The following ETFA variants were observed in gnomAD, a reference collection of about 807,000 sequenced individuals.
The protein encoded by ETFA is electron transfer flavoprotein subunit alpha, mitochondrial.
A neutral mutation model predicts 46.2 loss-of-function variants in ETFA; 22 were observed. The ratio of observed to expected loss-of-function variants is 0.48; its 90% CI spans 0.34 to 0.68. The LOEUF is 0.68. ETFA is among the 30% of genes least tolerant of loss of function. The pLI is 0.01. For synonymous variants in ETFA, 131 were observed against 139.9 expected, an observed-to-expected ratio of 0.94 and a Z score of 0.45; for missense variants, 345 against 401.1, an observed-to-expected ratio of 0.86 and a Z score of 1.19.
At chr15:76,310,363 T>A (rs1169929287) in intron 1 of ETFA, among the ~76,000 whole-genome samples, 1 of 39,652 alleles carries the variant, frequency 2.5e-5, no homozygotes. Flanking sequence ...AAAATATCCA[T>A]GCCCAGAAAA....
intron 1 of ETFA, among the ~76,000 whole-genome samples, chr15:76,306,131 A>C (rs1457728846): frequency 6.6e-6 from 1 of 152,084 alleles, no homozygotes; most frequent in African/African-American, 2.4e-5. Context: ...AAAAGCTGGA[A>C]TCTAACTCTC....
At chr15:76,243,582 C>T (rs114566411) in intron 9 of ETFA, among the ~76,000 whole-genome samples, 2,204 of 152,008 alleles carry the variant, frequency 0.014, 50 homozygotes, top group African/African-American at 0.051. Context: ...TGGATCACAA[C>T]GAGGTCAGGA....
At chr15:76,259,531 C>T in intron 9 of ETFA, 1 of 900,180 alleles carries the variant, frequency 1.1e-6, no homozygotes. Flanking sequence ...GGTGTCTGCC[C>T]ACGTGTCATG....
chr15:76,257,839 T>TA (rs2039360496), intron 9 of ETFA, among the ~76,000 whole-genome samples: 2 of 151,718 alleles, frequency 1.3e-5, no homozygotes. Context: ...TATGCAGCCA[T>TA]AAAAAATGAT....
intron 9 of ETFA, among the ~76,000 whole-genome samples, chr15:76,266,581 G>A (rs1401780605): frequency 6.6e-6 from 1 of 152,150 alleles, no homozygotes. Context: ...AAGGAATGAA[G>A]TTAGAACAAA....
chr15:76,246,664 T>C (rs963091575), intron 9 of ETFA, among the ~76,000 whole-genome samples: 8 of 151,898 alleles, frequency 5.3e-5, no homozygotes, highest in Admixed American at 4.6e-4. Context: ...ATCCTGTCTC[T>C]ACTAAAAATA....
In ETFA at chr15:76,299,521, G is replaced by T. The variant is rs370006123; in HGVS notation, c.40-3784C>A. 2.6e-5 allele frequency among the ~76,000 whole-genome samples: 4 copies of T among 152,162 alleles called. No individual in the cohort carries two copies. In the South Asian group the frequency reaches 8.3e-4, roughly 32 times the overall value. On this transcript the variant is annotated intron_variant, in intron 1 of 11. Coordinates refer to ENST00000557943, the MANE Select transcript of ETFA (RefSeq NM_000126.4). Reference sequence around the variant, plus strand: ...TGGTCTTGAACTCCTGGGCTCAAACGATCCTCGCACCTTGGCCTCCCAGAG... The same window carrying T: ...TGGTCTTGAACTCCTGGGCTCAAACTATCCTCGCACCTTGGCCTCCCAGAG...
chr15:76,256,553 T>C (rs1269513847), intron 9 of ETFA, among the ~76,000 whole-genome samples: 2 of 152,222 alleles, frequency 1.3e-5, no homozygotes, highest in East Asian at 1.9e-4. Context: ...AATTCTGAGA[T>C]AACAACTGAT....
intron 8 of ETFA, among the ~76,000 whole-genome samples, chr15:76,275,950 G>A (rs1043934890): frequency 1.4e-4 from 21 of 152,048 alleles, no homozygotes; most frequent in South Asian, 2.1e-4. Context: ...TGTAATACAT[G>A]AGCATATGTA....
At chr15:76,263,399 C>T (rs982384841) in intron 9 of ETFA, among the ~76,000 whole-genome samples, 11 of 152,222 alleles carry the variant, frequency 7.2e-5, no homozygotes, top group South Asian at 4.1e-4. Context: ...GAGGATGCAT[C>T]GTCAGAGGAC....
intron 8 of ETFA, among the ~76,000 whole-genome samples, chr15:76,275,827 T>G (rs2039585068): frequency 6.6e-6 from 1 of 152,174 alleles, no homozygotes; most frequent in Admixed American, 6.5e-5. Context: ...CAAATAACAC[T>G]TTACTACTTC....
rs960755663 is a variant in ETFA at position 76,295,618 on chromosome 15, G to A, written c.159C>T (p.Cys53=). The change falls in exon 2 of 12, where the codon TGC becomes TGT. Residue 53 remains cysteine, a synonymous_variant. Transcript: ENST00000557943. ...TGTCACATTTGGTTCCAGCTACTAA[G>A]CAGGACACTTCACCTCCAAGGCGTG... ...AATRLGGEVS[C]LVAGTKCDKV... is the part of the protein sequence containing the mutation. 6.2e-7 allele frequency: 1 copy of A among 1,613,690 alleles called. No homozygotes were observed. Among genetic ancestry groups the A allele is most frequent in the African/African-American group, 1.3e-5 (1 of 74,864 alleles).
In ETFA at chr15:76,286,383, T is replaced by C. The variant is rs2039704736; in HGVS notation, c.550A>G (p.Ser184Gly). ...AATGAACACTCACCCTTTTCTGAAC[T>C]GGCACTACCGCCACTTGTTGCTGCA... The part of the protein sequence containing the change: ...DAAATSGGSA[S>G]SEKASSTSPV... Residue 184 changes from serine (S) to glycine (G), a missense_variant, in exon 6 of 12, where the codon AGT becomes GGT. Coordinates refer to ENST00000557943, the MANE Select transcript of ETFA (RefSeq NM_000126.4). 1 of 1,608,678 alleles carries C rather than the reference T, an allele frequency of 6.2e-7. No homozygotes were observed. The highest frequency in any genetic ancestry group is 8.5e-7 in the Non-Finnish European group (1 of 1,175,116).
intron 1 of ETFA, among the ~76,000 whole-genome samples, chr15:76,302,511 A>C (rs570333216): frequency 3.7e-4 from 49 of 134,004 alleles, no homozygotes; most frequent in African/African-American, 1.4e-3. Context: ...CAAAGCATAG[A>C]GGTTTTTTGT....
chr15:76,239,942 T>C (rs940880685), intron 9 of ETFA, among the ~76,000 whole-genome samples: 1 of 152,202 alleles, frequency 6.6e-6, no homozygotes, highest in African/African-American at 2.4e-5. Context: ...ACCACTTGCA[T>C]GTCAATTAGA....
At chr15:76,297,547 G>GA (rs1002365240) in intron 1 of ETFA, among the ~76,000 whole-genome samples, 12 of 151,918 alleles carry the variant, frequency 7.9e-5, no homozygotes, top group East Asian at 3.8e-4. Context: ...ACCATTTGAA[G>GA]AAAAAATCCA....
chr15:76,217,052 A>C (rs544017898), intron 11 of ETFA, among the ~76,000 whole-genome samples: 40 of 152,004 alleles, frequency 2.6e-4, no homozygotes, highest in Middle Eastern at 3.4e-3. Flanking sequence ...CCTGGGCTCA[A>C]GTGATCTGCC....
intron 9 of ETFA, among the ~76,000 whole-genome samples, chr15:76,267,507 G>A (rs1596208985): frequency 6.6e-6 from 1 of 151,856 alleles, no homozygotes; most frequent in South Asian, 2.1e-4. Context: ...CCTAGATACT[G>A]CCTTCTGTTA....
chr15:76,238,120 T>C (rs2039146228), intron 9 of ETFA, among the ~76,000 whole-genome samples: 1 of 152,194 alleles, frequency 6.6e-6, no homozygotes, highest in African/African-American at 2.4e-5. Flanking sequence ...TATAAAATCA[T>C]AAATTCATGT....
Sources: gnomAD v4.1 joint callset for allele counts (sites outside exome capture counted in the v4.1 genomes callset) on GRCh38, gnomAD v4.1.1 for gene constraint, MANE v1.5 for transcripts, NCBI Gene and HGNC (gene_info 2026-07-23, HGNC 2026-07-21) for gene names.